Variants in MON2 observed in about 807,000 individuals in gnomAD.
MON2 encodes MON2 regulator of endosome-to-Golgi trafficking.
Under a neutral mutation model 208.6 loss-of-function variants are expected in MON2, and 84 were observed. The observed-to-expected ratio is 0.40, with a 90% CI of 0.34 to 0.48. The LOEUF is 0.48. Ranked by LOEUF, MON2 falls within the 20% of genes least tolerant of loss-of-function variation. The probability of loss-of-function intolerance (pLI) is 0.59; values close to 1 mark genes in which losing one functional copy is unlikely to be tolerated. For synonymous variants in MON2, 660 were observed against 694.0 expected (o/e 0.95, Z 0.77); for missense variants, 1,611 against 2,015.4 (o/e 0.80, Z 3.84).
intron 1 of MON2, among the ~76,000 whole-genome samples, chr12:62,474,046 C>T (rs539238589): frequency 1.0e-4 from 14 of 139,568 alleles, no homozygotes; most frequent in Non-Finnish European, 1.7e-4. Context: ...TCTGCATTTC[C>T]AGCTGCACAT....
intron 1 of MON2, among the ~76,000 whole-genome samples, chr12:62,467,723 A>AT (rs2068586233): frequency 6.6e-6 from 1 of 152,208 alleles, no homozygotes; most frequent in South Asian, 2.1e-4. Flanking sequence ...ATATCACTGA[A>AT]TTGGAAACAA....
intron 12 of MON2, among the ~76,000 whole-genome samples, chr12:62,534,533 AAAAAAAAAAATATAT>A (rs1310371018): frequency 9.1e-5 from 4 of 43,748 alleles, no homozygotes; most frequent in African/African-American, 2.6e-4. Context: ...AAAAAAAAAA[AAAAAAAAAAATATAT>A]ATATATATAT....
Position 62,525,165 on chromosome 12 carries a change from A to G in MON2, c.1191A>G (p.Ile397Met). 1 of 1,612,962 alleles carries G rather than the reference A, an allele frequency of 6.2e-7. No homozygotes were observed. The highest frequency in any genetic ancestry group is 8.5e-7 in the Non-Finnish European group (1 of 1,179,074). Reference protein sequence around the residue: ...RDIVNALGSFIQSLFLVPPTG... With the variant: ...RDIVNALGSFMQSLFLVPPTG... ...TTGTAAATGCACTGGGATCTTTTAT[A>G]CAGTCCTTGTTTCTTGTCCCCCCTA... The change falls in exon 10 of 35, where the codon ATA (isoleucine) becomes ATG (methionine). Residue 397 changes from isoleucine to methionine, a missense_variant. Physicochemically the swap from Ile to Met is conservative, Grantham distance 10. Transcript: ENST00000393630.
chr12:62,474,815 T>C (rs2068981974), intron 1 of MON2, among the ~76,000 whole-genome samples: 1 of 152,234 alleles, frequency 6.6e-6, no homozygotes, highest in South Asian at 2.1e-4. Context: ...CTAGCACTGT[T>C]GCCTACTTTA....
rs1404936248 is a variant in MON2, at chr12:62,532,683, AT to A, written c.1633+18del. ...GATAAGGAAATTGGTATGAGTCTGT[AT>A]TTTTAATTTTTATTGGAAATAATTT... is the stretch of plus-strand genomic sequence containing the variant. On this transcript the variant is annotated intron_variant, in intron 12 of 34. Coordinates refer to ENST00000393630, the MANE Select transcript of MON2 (RefSeq NM_015026.3). 2.6e-6 allele frequency: 4 copies of A among 1,562,260 alleles called. No individual in the cohort carries two copies. Among genetic ancestry groups the A allele is most frequent in the African/African-American group, 2.7e-5 (2 of 73,180 alleles).
intron 29 of MON2, 128 bp from the exon 30 acceptor site, chr12:62,571,264 A>T: frequency 1.4e-6 from 1 of 713,966 alleles, no homozygotes; most frequent in Non-Finnish European, 2.1e-6. Flanking sequence ...CATCCTTTTT[A>T]AATGAAAATA....
rs533004125 is a variant in MON2 at position 62,544,250 on chromosome 12, G to T, written c.2467-648G>T. Among the ~76,000 whole-genome samples, 6 of 152,204 alleles carry T rather than the reference G, an allele frequency of 3.9e-5. No individual in the cohort carries two copies. The East Asian group carries it at 1.2e-3, about 29-fold the overall frequency. On this transcript the variant is annotated intron_variant, in intron 20 of 34. Coordinates refer to ENST00000393630, the MANE Select transcript of MON2 (RefSeq NM_015026.3). Reference sequence around the variant, plus strand: ...ACTTAAGCCCAGGAGTTCAAGACCAGCCTGGGCAACATAGGGAGACACCAT... The same window carrying T: ...ACTTAAGCCCAGGAGTTCAAGACCATCCTGGGCAACATAGGGAGACACCAT...
chr12:62,590,513 G>T (rs1388752920), intron 34 of MON2, among the ~76,000 whole-genome samples: 1 of 152,264 alleles, frequency 6.6e-6, no homozygotes, highest in African/African-American at 2.4e-5. Context: ...GTTTTAATAT[G>T]ATCTTTTCCT....
intron 27 of MON2, among the ~76,000 whole-genome samples, chr12:62,565,656 A>G (rs1032471669): frequency 1.3e-5 from 2 of 152,116 alleles, no homozygotes; most frequent in Non-Finnish European, 2.9e-5. Flanking sequence ...TTCTTGAAAA[A>G]TATAAGTTCC....
intron 31 of MON2, among the ~76,000 whole-genome samples, chr12:62,579,436 A>G (rs540683404): frequency 6.6e-6 from 1 of 151,894 alleles, no homozygotes; most frequent in South Asian, 2.1e-4. Context: ...TTTAAAATAT[A>G]CATTTGGCCG....
intron 2 of MON2, among the ~76,000 whole-genome samples, chr12:62,493,016 G>GACACAC: frequency 6.7e-6 from 1 of 149,566 alleles, no homozygotes; most frequent in South Asian, 2.1e-4. Context: ...GACACACACA[G>GACACAC]ACACACACAC....
At chr12:62,467,435 TG>T (rs1462165691) in intron 1 of MON2, 117 bp downstream of exon 1, 18 of 784,264 alleles carry the variant, frequency 2.3e-5, no homozygotes, top group Non-Finnish European at 3.6e-5. Context: ...TTTCCAGATT[TG>T]TGAGTCGGTG....
intron 1 of MON2, chr12:62,470,729 TG>T: frequency 8.6e-7 from 1 of 1,168,010 alleles, no homozygotes. Context: ...TAACTGAGCC[TG>T]GAAGTTGGAG....
Position 62,552,985 on chromosome 12 carries a change from T to G in MON2, c.3021T>G (p.Val1007=). 1 of 1,614,168 alleles carries G rather than the reference T, an allele frequency of 6.2e-7. No homozygotes were observed. The highest frequency in any genetic ancestry group is 8.5e-7 in the Non-Finnish European group (1 of 1,179,992). The change falls in exon 24 of 35, where the codon GTT becomes GTG. Residue 1007 remains valine, a synonymous_variant. Transcript: ENST00000393630. ...AGCAGGCAGAAGAGAAAGGAGTTGT[T>G]TTAAATCGGCCATTCCACCCTGCAC... ...QQKQAEEKGV[V]LNRPFHPAPP...
intron 30 of MON2, among the ~76,000 whole-genome samples, chr12:62,574,551 A>AT (rs1471726008): frequency 6.6e-5 from 10 of 151,456 alleles, no homozygotes; most frequent in Non-Finnish European, 1.3e-4. Context: ...TAATTTTTGT[A>AT]TTTTTTTTGT....
At chr12:62,591,873 C>T (rs1224041921) in intron 34 of MON2, among the ~76,000 whole-genome samples, 1 of 152,076 alleles carries the variant, frequency 6.6e-6, no homozygotes, top group Non-Finnish European at 1.5e-5. Flanking sequence ...TTTAAAAATA[C>T]CTAAAAGTCT....
chr12:62,558,498 G>A (rs1039184926), intron 25 of MON2, among the ~76,000 whole-genome samples: 2 of 151,942 alleles, frequency 1.3e-5, no homozygotes, highest in East Asian at 1.9e-4. Flanking sequence ...TAAATGGCAC[G>A]GGATATTCTA....
chr12:62,582,561 C>T (rs1416601740), intron 32 of MON2, among the ~76,000 whole-genome samples: 5 of 152,088 alleles, frequency 3.3e-5, no homozygotes, highest in Non-Finnish European at 7.4e-5. Context: ...GAAGGACAGC[C>T]TTTTTCTTCA....
At chr12:62,534,542 A>AAAAAATATATATATATATATATAT (rs1555169522) in intron 12 of MON2, among the ~76,000 whole-genome samples, 1 of 22,850 alleles carries the variant, frequency 4.4e-5, no homozygotes, top group African/African-American at 2.0e-4. Context: ...AAAAAAAAAA[A>AAAAAATATATATATATATATATAT]ATATATATAT....
Sources: allele counts gnomAD v4.1 joint callset (sites outside exome capture counted in the v4.1 genomes callset), GRCh38; gene constraint gnomAD v4.1.1; transcripts MANE v1.5; gene names NCBI Gene and HGNC (gene_info 2026-07-23, HGNC 2026-07-21).